The following NIPSNAP1 variants were observed in gnomAD, a reference collection of about 807,000 sequenced individuals.
NIPSNAP1 encodes the protein protein NipSnap homolog 1.
NIPSNAP1 carries 25 observed loss-of-function variants against 49.2 expected under a neutral mutation model. The ratio of observed to expected loss-of-function variants is 0.51; its 90% CI spans 0.37 to 0.71. The LOEUF (loss-of-function observed/expected upper bound fraction) is 0.71, where lower values mean the gene tolerates loss of function less well. NIPSNAP1 is among the 30% of genes least tolerant of loss of function. NIPSNAP1 has a pLI of 0.00. For missense variants in NIPSNAP1, 294 were observed against 361.0 expected (o/e 0.81, Z 1.50); for synonymous variants, 143 against 140.7 (o/e 1.02, Z -0.12).
intron 1 of NIPSNAP1, chr22:29,580,200 C>G (rs1287826101): frequency 6.9e-6 from 9 of 1,303,800 alleles, no homozygotes; most frequent in Non-Finnish European, 9.1e-6. Flanking sequence ...GTGAGAGAGA[C>G]AGACAAGCAC....
intron 4 of NIPSNAP1, among the ~76,000 whole-genome samples, chr22:29,567,065 T>C (rs1222932388): frequency 6.6e-6 from 1 of 152,088 alleles, no homozygotes; most frequent in East Asian, 1.9e-4. Context: ...GAGGTTGCAG[T>C]GAGCCAAGAT....
chr22:29,558,795 A>G, intron 9 of NIPSNAP1, 75 bp downstream of exon 9: 3 of 1,100,184 alleles, frequency 2.7e-6, no homozygotes, highest in Non-Finnish European at 4.2e-6. Flanking sequence ...ATCAAGAAAG[A>G]CTAGATCTCC....
chr22:29,555,628 T>A lies in NIPSNAP1; in HGVS notation c.*307A>T, dbSNP rs1464231164. On this transcript the variant is annotated 3_prime_UTR_variant, in exon 10 of 10. Transcript: ENST00000216121. ...ATTTCCAAGGGTGATAACTGGGGAC[T>A]GGTGGCCTTGAGATGAGGAATTTTA... is the stretch of plus-strand genomic sequence containing the variant. 7.9e-6 allele frequency: 3 copies of A among 378,654 alleles called. No individual in the cohort carries two copies. The highest frequency in any genetic ancestry group is 1.5e-5 in the Non-Finnish European group (3 of 197,044). The allele number at this position is 378,654 out of a possible 1,614,324, so 23.5% of individuals were successfully genotyped here. A position where few individuals can be genotyped will look rare whatever the true frequency, so the allele number is the denominator to read the frequency against.
At chr22:29,557,106 C>T (rs1490664909) in intron 9 of NIPSNAP1, among the ~76,000 whole-genome samples, 1 of 151,642 alleles carries the variant, frequency 6.6e-6, no homozygotes, top group East Asian at 1.9e-4. Context: ...GTTGGGACCA[C>T]ACTTGATTTT....
In NIPSNAP1 at chr22:29,561,946, C is replaced by CG. The variant is rs1569245737; in HGVS notation, c.368-85dup. 3 of 1,231,856 alleles carry CG rather than the reference C, an allele frequency of 2.4e-6. No homozygotes were observed. The African/African-American group carries it at 4.4e-5, about 18-fold the overall frequency. The allele number at this position is 1,231,856 out of a possible 1,614,324, so 76.3% of individuals were successfully genotyped here. A position where few individuals can be genotyped will look rare whatever the true frequency, so the allele number is the denominator to read the frequency against. On this transcript the variant is annotated intron_variant, in intron 4 of 9. Coordinates refer to ENST00000216121, the MANE Select transcript of NIPSNAP1 (RefSeq NM_003634.4). The stretch of plus-strand genomic sequence containing the variant: ...CTCAAGGTTGGCTAAGTGGTGGGGA[C>CG]GGGGGAGGCGGGGTGGCCTGGTTCC...
At chr22:29,559,142 C>T (rs1569244820) in intron 8 of NIPSNAP1, among the ~76,000 whole-genome samples, 189 bp from the exon 9 acceptor site, 1 of 152,178 alleles carries the variant, frequency 6.6e-6, no homozygotes, top group Non-Finnish European at 1.5e-5. Flanking sequence ...GTTAATATTG[C>T]CTACATTTAT....
intron 3 of NIPSNAP1, chr22:29,569,946 G>A (rs894281739): frequency 9.8e-5 from 56 of 572,670 alleles, no homozygotes; most frequent in Non-Finnish European, 1.4e-4. Context: ...CCGAGATCGC[G>A]CCATTGCACT....
rs539261814 is a variant in NIPSNAP1 at position 29,567,325 on chromosome 22, A to G, written c.367+1868T>C. Among the ~76,000 whole-genome samples the G allele has an allele frequency of 5.9e-5, 9 of 152,166 alleles. No homozygotes were observed. The South Asian group carries it at 1.7e-3, about 28-fold the overall frequency. Reference sequence around the variant, plus strand: ...ATGCTAGGGGTGCCCCTGGGACTGTAAGACACCAGCTCAGACAAGAAGAAC... The same window carrying G: ...ATGCTAGGGGTGCCCCTGGGACTGTGAGACACCAGCTCAGACAAGAAGAAC... On this transcript the variant is annotated intron_variant, in intron 4 of 9. Transcript: ENST00000216121.
At position 29,555,815 on chromosome 22, in the gene NIPSNAP1, G is replaced by T; in HGVS notation, c.*120C>A. ...TTCAGTTCCCCCTTGTCTGAACTGA[G>T]CACTGCCCCTCAGAGTCCTCCCAGA... On this transcript the variant is annotated 3_prime_UTR_variant, in exon 10 of 10. Coordinates refer to ENST00000216121, the MANE Select transcript of NIPSNAP1 (RefSeq NM_003634.4). 1.2e-6 allele frequency: 1 copy of T among 859,914 alleles called. No individual in the cohort carries two copies. The highest frequency in any genetic ancestry group is 1.9e-6 in the Non-Finnish European group (1 of 516,976). 53.3% of individuals were successfully genotyped at this position (859,914 alleles called of 1,614,324 possible). A position where few individuals can be genotyped will look rare whatever the true frequency, so the allele number is the denominator to read the frequency against.
At chr22:29,561,113 G>T in intron 7 of NIPSNAP1, 58 bp downstream of exon 7, 1 of 1,534,488 alleles carries the variant, frequency 6.5e-7, no homozygotes, top group Non-Finnish European at 9.0e-7. Context: ...AGGGGCCTTG[G>T]TGGGGCAGGT....
At chr22:29,577,718 T>TTTTGGTTTTG (rs993229069) in intron 1 of NIPSNAP1, among the ~76,000 whole-genome samples, 1 of 149,554 alleles carries the variant, frequency 6.7e-6, no homozygotes, top group East Asian at 2.0e-4. Flanking sequence ...CCGGCATGTT[T>TTTTGGTTTTG]TTTTGTTTTG....
chr22:29,573,728 A>G (rs1367040642), intron 1 of NIPSNAP1, among the ~76,000 whole-genome samples: 2 of 147,986 alleles, frequency 1.4e-5, no homozygotes, highest in East Asian at 4.4e-4. Flanking sequence ...AGATCAGGCC[A>G]TTGCACTCCA....
chr22:29,569,125 C>G (rs1411204168), intron 4 of NIPSNAP1, 68 bp downstream of exon 4: 1 of 1,270,266 alleles, frequency 7.9e-7, no homozygotes, highest in Non-Finnish European at 1.1e-6. Flanking sequence ...GGAGAACAGC[C>G]AGGTGTGAAA....
chr22:29,574,709 G>A (rs977905522), intron 1 of NIPSNAP1, among the ~76,000 whole-genome samples: 2 of 151,776 alleles, frequency 1.3e-5, no homozygotes, highest in African/African-American at 4.8e-5. Flanking sequence ...AACCCGGGAG[G>A]CGGAGGTTGC....
intron 4 of NIPSNAP1, among the ~76,000 whole-genome samples, chr22:29,564,712 CAAG>C (rs571312577): frequency 1.7e-3 from 260 of 152,190 alleles, no homozygotes; most frequent in African/African-American, 6.0e-3. Context: ...CGCGCCCAGC[CAAG>C]AAGAAGGAAT....
At chr22:29,577,087 TA>T (rs1334370832) in intron 1 of NIPSNAP1, among the ~76,000 whole-genome samples, 4 of 140,634 alleles carry the variant, frequency 2.8e-5, no homozygotes, top group Non-Finnish European at 6.3e-5. Flanking sequence ...TTTTTTCTTC[TA>T]TTTTTTTTTT....
chr22:29,568,105 G>C (rs2064379852), intron 4 of NIPSNAP1, among the ~76,000 whole-genome samples: 1 of 148,338 alleles, frequency 6.7e-6, no homozygotes, highest in Admixed American at 6.9e-5. Flanking sequence ...CTTGAGCCTG[G>C]GAAATTGAGG....
intron 1 of NIPSNAP1, among the ~76,000 whole-genome samples, chr22:29,575,530 C>T (rs2064444663): frequency 6.6e-6 from 1 of 152,140 alleles, no homozygotes; most frequent in Non-Finnish European, 1.5e-5. Flanking sequence ...GTCACTTTCT[C>T]AGTGAAATTA....
rs912260220 is a variant in NIPSNAP1, at chr22:29,580,320, C to T, written c.98+665G>A. On this transcript the variant is annotated intron_variant, in intron 1 of 9. Coordinates refer to ENST00000216121, the MANE Select transcript of NIPSNAP1 (RefSeq NM_003634.4). ...GCCAGTCAGGGAGGCCAAGCCCTAG[C>T]TCAGCCCAGAGCAGGGCCCAAACAA... 3.1e-6 allele frequency: 3 copies of T among 965,358 alleles called. No individual in the cohort carries two copies. The African/African-American group carries it at 5.3e-5, about 17-fold the overall frequency. 59.8% of individuals were successfully genotyped at this position (965,358 alleles called of 1,614,324 possible). A position where few individuals can be genotyped will look rare whatever the true frequency, so the allele number is the denominator to read the frequency against.
Sources: gnomAD v4.1 joint callset for allele counts (sites outside exome capture counted in the v4.1 genomes callset) on GRCh38, gnomAD v4.1.1 for gene constraint, MANE v1.5 for transcripts, NCBI Gene and HGNC (gene_info 2026-07-23, HGNC 2026-07-21) for gene names.